Variants in VAV3 observed in about 807,000 individuals in gnomAD.
VAV3 encodes the protein guanine nucleotide exchange factor VAV3.
A neutral mutation model predicts 131.2 loss-of-function variants in VAV3; 94 were observed. The ratio of observed to expected loss-of-function variants is 0.72; its 90% CI spans 0.61 to 0.85. The LOEUF (loss-of-function observed/expected upper bound fraction) is 0.85, where lower values mean the gene tolerates loss of function less well. VAV3 is among the 40% of genes least tolerant of loss of function. VAV3 has a pLI of 0.00. For synonymous variants in VAV3, 349 were observed against 342.0 expected, an observed-to-expected ratio of 1.02 and a Z score of -0.22; for missense variants, 939 against 1,002.7, an observed-to-expected ratio of 0.94 and a Z score of 0.86.
At chr1:107,648,907 G>C (rs1401229185) in intron 19 of VAV3, among the ~76,000 whole-genome samples, 1 of 151,992 alleles carries the variant, frequency 6.6e-6, no homozygotes. Context: ...CCCGCCACAT[G>C]TCTGGTGTTA....
intron 2 of VAV3, among the ~76,000 whole-genome samples, chr1:107,848,060 T>C (rs1381796806): frequency 1.3e-5 from 2 of 152,226 alleles, no homozygotes; most frequent in African/African-American, 4.8e-5. Flanking sequence ...ACGTCTGTAA[T>C]GCCAGCACTT....
chr1:107,945,957 A>C (rs904472941), intron 1 of VAV3, among the ~76,000 whole-genome samples: 1 of 152,184 alleles, frequency 6.6e-6, no homozygotes, highest in African/African-American at 2.4e-5. Context: ...AGAAGAAAAA[A>C]ATGGTGTGAT....
intron 2 of VAV3, among the ~76,000 whole-genome samples, chr1:107,839,667 CTAAAAAT>C (rs1190928485): frequency 6.6e-6 from 1 of 151,898 alleles, no homozygotes; most frequent in Admixed American, 6.6e-5. Context: ...AAAAGAAATA[CTAAAAAT>C]TAGAGCAGGA....
intron 22 of VAV3, among the ~76,000 whole-genome samples, chr1:107,607,549 C>T (rs1352608104): frequency 6.6e-6 from 1 of 152,094 alleles, no homozygotes; most frequent in Non-Finnish European, 1.5e-5. Flanking sequence ...ACATGGTTCA[C>T]CTTTTCCACA....
chr1:107,912,563 G>A (rs1292861406), intron 1 of VAV3, among the ~76,000 whole-genome samples: 1 of 152,260 alleles, frequency 6.6e-6, no homozygotes, highest in Non-Finnish European at 1.5e-5. Context: ...CCTGAGATCC[G>A]ATTTCCCAAC....
At chr1:107,819,503 T>C (rs1234018770) in intron 2 of VAV3, among the ~76,000 whole-genome samples, 1 of 141,654 alleles carries the variant, frequency 7.1e-6, no homozygotes, top group Admixed American at 7.3e-5. Context: ...CAAGACTCTG[T>C]CTCAAAAAAA....
intron 5 of VAV3, 62 bp downstream of exon 5, chr1:107,772,673 T>G: frequency 1.5e-6 from 2 of 1,362,912 alleles, no homozygotes; most frequent in Non-Finnish European, 2.1e-6. Context: ...TAAATTATTA[T>G]GTTAATTAGC....
intron 19 of VAV3, among the ~76,000 whole-genome samples, chr1:107,670,438 T>C (rs1343084264): frequency 6.6e-6 from 1 of 152,124 alleles, no homozygotes; most frequent in Non-Finnish European, 1.5e-5. Flanking sequence ...ACAAATTAAA[T>C]AACAGCCAAA....
intron 2 of VAV3, among the ~76,000 whole-genome samples, chr1:107,780,222 G>A (rs1665617866): frequency 6.6e-6 from 1 of 152,142 alleles, no homozygotes; most frequent in Non-Finnish European, 1.5e-5. Flanking sequence ...TTATCGTGAG[G>A]ATTAAATAAG....
chr1:107,720,781 A>G (rs896088518), intron 15 of VAV3, among the ~76,000 whole-genome samples: 1 of 152,214 alleles, frequency 6.6e-6, no homozygotes, highest in Non-Finnish European at 1.5e-5. Context: ...TTGAAGAGAC[A>G]AGGCCCACAT....
intron 25 of VAV3, 68 bp downstream of exon 25, chr1:107,596,144 A>G (rs1651362543): frequency 6.4e-7 from 1 of 1,558,488 alleles, no homozygotes; most frequent in African/African-American, 1.4e-5. Context: ...TGGAAGGAAG[A>G]TGTTTAATGT....
chr1:107,638,373 T>C (rs1221088700), intron 20 of VAV3, among the ~76,000 whole-genome samples: 2 of 152,194 alleles, frequency 1.3e-5, no homozygotes, highest in Non-Finnish European at 2.9e-5. Flanking sequence ...CAAAAATCAA[T>C]TGTATTTCTA....
chr1:107,581,859 G>A (rs1024810982), intron 25 of VAV3, among the ~76,000 whole-genome samples: 4 of 152,160 alleles, frequency 2.6e-5, no homozygotes, highest in Non-Finnish European at 5.9e-5. Flanking sequence ...CAACCTAATC[G>A]ACACTCTTCG....
chr1:107,797,987 C>A (rs377662673), intron 2 of VAV3, among the ~76,000 whole-genome samples: 22 of 152,206 alleles, frequency 1.4e-4, no homozygotes, highest in African/African-American at 3.4e-4. Flanking sequence ...TGACATAGAG[C>A]GATAAGCCAT....
At chr1:107,859,758 A>C (rs1404041953) in intron 2 of VAV3, among the ~76,000 whole-genome samples, 1 of 152,216 alleles carries the variant, frequency 6.6e-6, no homozygotes, top group East Asian at 1.9e-4. Flanking sequence ...AAAACTGCTA[A>C]AGAAAACATT....
Position 107,925,477 on chromosome 1 carries a change from A to G in VAV3, c.204+39189T>C, listed in dbSNP as rs539727022. On this transcript the variant is annotated intron_variant, in intron 1 of 26. Coordinates refer to ENST00000370056, the MANE Select transcript of VAV3 (RefSeq NM_006113.5). ...AGAACAAAATATGGTGTATACATACAATGGACTATTATTCAACCTTAAATT... is the reference window on the plus strand; with the variant it reads ...AGAACAAAATATGGTGTATACATACGATGGACTATTATTCAACCTTAAATT... 1.1e-4 allele frequency among the ~76,000 whole-genome samples: 17 copies of G among 152,344 alleles called. No homozygotes were observed. In the East Asian group the frequency reaches 3.1e-3, roughly 28 times the overall value.
At chr1:107,751,547 T>C (rs1347790351) in intron 12 of VAV3, among the ~76,000 whole-genome samples, 1 of 152,108 alleles carries the variant, frequency 6.6e-6, no homozygotes, top group African/African-American at 2.4e-5. Flanking sequence ...CCAACCACCA[T>C]AACAGGTGTA....
At chr1:107,831,385 A>G (rs1454782182) in intron 2 of VAV3, among the ~76,000 whole-genome samples, 1 of 152,232 alleles carries the variant, frequency 6.6e-6, no homozygotes, top group African/African-American at 2.4e-5. Flanking sequence ...ATCAAAATTG[A>G]CAGGGAAATG....
At chr1:107,575,000 TGCGCGCGCGCGCGCGCACAC>T (rs748285835) in intron 25 of VAV3, among the ~76,000 whole-genome samples, 10,190 of 103,732 alleles carry the variant, frequency 0.098, 478 homozygotes, top group East Asian at 0.37. Flanking sequence ...TGTGCGTGCG[TGCGCGCGCGCGCGCGCACAC>T]GCGCGCGTGT....
Sources: gnomAD v4.1 joint callset for allele counts (sites outside exome capture counted in the v4.1 genomes callset) on GRCh38, gnomAD v4.1.1 for gene constraint, MANE v1.5 for transcripts, NCBI Gene and HGNC (gene_info 2026-07-23, HGNC 2026-07-21) for gene names.